Variants in DOK6 observed in about 807,000 individuals in gnomAD.
The protein encoded by DOK6 is downstream of tyrosine kinase 6.
In DOK6, 22 loss-of-function variants were observed where a neutral mutation model predicts 44.0. That is an observed-to-expected ratio of 0.50 (90% CI 0.36 to 0.71). The LOEUF is 0.71. Ranked by LOEUF, DOK6 falls within the 30% of genes least tolerant of loss-of-function variation. The pLI is 0.00. For synonymous variants in DOK6, 166 were observed against 145.5 expected (o/e 1.14, Z -1.01); for missense variants, 340 against 416.4 (o/e 0.82, Z 1.60).
intron 6 of DOK6, among the ~76,000 whole-genome samples, chr18:69,741,678 A>G (rs116577236): frequency 1.4e-4 from 22 of 152,042 alleles, no homozygotes; most frequent in African/African-American, 4.6e-4. Flanking sequence ...TGTATTTTTT[A>G]TAGAGACGGG....
At chr18:69,436,289 G>T (rs1370512547) in intron 1 of DOK6, among the ~76,000 whole-genome samples, 1 of 151,756 alleles carries the variant, frequency 6.6e-6, no homozygotes, top group Non-Finnish European at 1.5e-5. Context: ...ATCTACATTA[G>T]GTATTTCTCC....
intron 1 of DOK6, among the ~76,000 whole-genome samples, chr18:69,516,334 G>C (rs1456061489): frequency 6.6e-6 from 1 of 152,106 alleles, no homozygotes; most frequent in East Asian, 1.9e-4. Flanking sequence ...GTACAAATTA[G>C]ATTTGAATAA....
chr18:69,679,014 C>T (rs2144686909), intron 4 of DOK6, among the ~76,000 whole-genome samples: 1 of 152,082 alleles, frequency 6.6e-6, no homozygotes, highest in South Asian at 2.1e-4. Context: ...CCTGTCTCTA[C>T]AAATTACAAA....
In DOK6 at chr18:69,447,622, C is replaced by A. The variant is rs565420555; in HGVS notation, c.66+46312C>A. Reference sequence around the variant, plus strand: ...CACTATAATCTTCATAAGTTTCTTTCTTCTATATTCCTTCAGTGCTTAGCC... The same window carrying A: ...CACTATAATCTTCATAAGTTTCTTTATTCTATATTCCTTCAGTGCTTAGCC... On this transcript the variant is annotated intron_variant, in intron 1 of 7. Coordinates refer to ENST00000382713, the MANE Select transcript of DOK6 (RefSeq NM_152721.6). Among the ~76,000 whole-genome samples the A allele has an allele frequency of 9.2e-5, 14 of 152,010 alleles. No individual in the cohort carries two copies. In the South Asian group the frequency reaches 2.9e-3, roughly 32 times the overall value.
chr18:69,533,736 C>T (rs928920810), intron 1 of DOK6, among the ~76,000 whole-genome samples: 1 of 151,892 alleles, frequency 6.6e-6, no homozygotes, highest in African/African-American at 2.4e-5. Flanking sequence ...TTATTTCCTC[C>T]TTGATTTGAA....
chr18:69,783,383 T>A (rs1312628424), intron 7 of DOK6, among the ~76,000 whole-genome samples: 1 of 152,272 alleles, frequency 6.6e-6, no homozygotes, highest in Non-Finnish European at 1.5e-5. Context: ...GATTACATGT[T>A]GAACTGATAA....
intron 3 of DOK6, among the ~76,000 whole-genome samples, chr18:69,636,408 C>T (rs1172269252): frequency 6.6e-6 from 1 of 152,122 alleles, no homozygotes; most frequent in East Asian, 1.9e-4. Flanking sequence ...TTTCTTCTGT[C>T]TATGTATATG....
intron 1 of DOK6, among the ~76,000 whole-genome samples, chr18:69,515,727 G>A (rs1981502713): frequency 6.6e-6 from 1 of 152,138 alleles, no homozygotes. Context: ...ACTTATTTTA[G>A]TTGAGTAACT....
intron 3 of DOK6, among the ~76,000 whole-genome samples, chr18:69,612,422 C>T (rs1488443945): frequency 6.7e-6 from 1 of 150,366 alleles, no homozygotes; most frequent in Non-Finnish European, 1.5e-5. Context: ...CGCATGTGTG[C>T]GAGGGCGCAT....
At chr18:69,765,767 G>A (rs1378783340) in intron 7 of DOK6, among the ~76,000 whole-genome samples, 1 of 152,100 alleles carries the variant, frequency 6.6e-6, no homozygotes, top group African/African-American at 2.4e-5. Flanking sequence ...ACTACTGACT[G>A]ATGTGATTTT....
chr18:69,473,210 C>A (rs1309745186), intron 1 of DOK6, among the ~76,000 whole-genome samples: 1 of 152,024 alleles, frequency 6.6e-6, no homozygotes. Flanking sequence ...TATAGGAATA[C>A]TGTTAAATTT....
At chr18:69,684,480 A>AT (rs80307449) in intron 4 of DOK6, among the ~76,000 whole-genome samples, 24,466 of 152,186 alleles carry the variant, frequency 0.16, 2,340 homozygotes, top group Admixed American at 0.28. Context: ...AAAGATGCAG[A>AT]TTTTGAAAGT....
chr18:69,434,441 G>C (rs936357586), intron 1 of DOK6, among the ~76,000 whole-genome samples: 1 of 152,110 alleles, frequency 6.6e-6, no homozygotes, highest in Non-Finnish European at 1.5e-5. Flanking sequence ...GATGCACATG[G>C]AGATTTGCAT....
At chr18:69,681,573 G>A (rs1170105239) in intron 4 of DOK6, among the ~76,000 whole-genome samples, 1 of 150,586 alleles carries the variant, frequency 6.6e-6, no homozygotes, top group East Asian at 1.9e-4. Context: ...CACACACAGA[G>A]GAAAATGTGT....
At chr18:69,547,071 G>A (rs1469435274) in intron 1 of DOK6, among the ~76,000 whole-genome samples, 3 of 151,284 alleles carry the variant, frequency 2.0e-5, no homozygotes, top group Non-Finnish European at 3.0e-5. Flanking sequence ...GAGATAGTTG[G>A]GTCAGGGAAC....
At chr18:69,830,074 G>T (rs1053763190) in intron 7 of DOK6, among the ~76,000 whole-genome samples, 13 of 151,912 alleles carry the variant, frequency 8.6e-5, no homozygotes, top group African/African-American at 2.9e-4. Context: ...TCACAAACAA[G>T]TGCAAATACC....
At chr18:69,441,108 GTT>G (rs1979125827) in intron 1 of DOK6, among the ~76,000 whole-genome samples, 1 of 151,938 alleles carries the variant, frequency 6.6e-6, no homozygotes, top group African/African-American at 2.4e-5. Flanking sequence ...TGTGTGTATG[GTT>G]TTGTATTCAG....
chr18:69,812,318 T>C (rs1408586082), intron 7 of DOK6, among the ~76,000 whole-genome samples: 1 of 152,162 alleles, frequency 6.6e-6, no homozygotes, highest in Non-Finnish European at 1.5e-5. Context: ...ATAGGGAATA[T>C]AGTGATAATA....
chr18:69,433,910 A>G (rs570408506), intron 1 of DOK6, among the ~76,000 whole-genome samples: 8 of 152,296 alleles, frequency 5.3e-5, no homozygotes, highest in African/African-American at 1.4e-4. Flanking sequence ...TATATACTAT[A>G]TAAAGTTTTC....
Sources: gnomAD v4.1 joint callset for allele counts (sites outside exome capture counted in the v4.1 genomes callset) on GRCh38, gnomAD v4.1.1 for gene constraint, MANE v1.5 for transcripts, NCBI Gene and HGNC (gene_info 2026-07-23, HGNC 2026-07-21) for gene names.